The following MATN4 variants were observed in gnomAD, a reference collection of about 807,000 sequenced individuals.
MATN4 encodes the protein matrilin-4.
A neutral mutation model predicts 54.6 loss-of-function variants in MATN4; 40 were observed. That is an observed-to-expected ratio of 0.73 (90% confidence interval 0.57 to 0.95). The LOEUF (loss-of-function observed/expected upper bound fraction) is 0.95. Among genes scored for constraint, MATN4 ranks in the 40% least tolerant of loss-of-function variants. The pLI, the probability that MATN4 is intolerant of heterozygous loss-of-function variation, is 0.00. For missense variants in MATN4, 810 were observed against 819.1 expected (o/e 0.99, Z 0.13); for synonymous variants, 351 against 345.3 (o/e 1.02, Z -0.18).
chr20:45,304,591 G>A lies in MATN4; in HGVS notation c.280C>T (p.Arg94Cys). Residue 94 changes from arginine (R) to cysteine (C), a missense_variant, in exon 3 of 10, where the codon CGC becomes TGC. Physicochemically the swap from Arg to Cys is radical, Grantham distance 180. Transcript: ENST00000372756. ...SVFPLRAFSR[R>C]EDMERAIRDL... Reference sequence around the variant, plus strand: ...CGGATGGCGCGCTCCATGTCCTCGCGGCGAGAGAACGCGCGGAGAGGGAAG... The same window carrying A: ...CGGATGGCGCGCTCCATGTCCTCGCAGCGAGAGAACGCGCGGAGAGGGAAG... 6.3e-7 allele frequency: 1 copy of A among 1,599,260 alleles called. No individual in the cohort carries two copies. The highest frequency in any genetic ancestry group is 8.6e-7 in the Non-Finnish European group (1 of 1,168,368).
chr20:45,299,440 T>A (rs141998112), intron 6 of MATN4, among the ~76,000 whole-genome samples: 189 of 152,310 alleles, frequency 1.2e-3, no homozygotes, highest in African/African-American at 4.5e-3. Context: ...TATCTGATCT[T>A]TGTTATGAAC....
At chr20:45,300,365 T>C (rs577072355) in intron 6 of MATN4, among the ~76,000 whole-genome samples, 1 of 152,300 alleles carries the variant, frequency 6.6e-6, no homozygotes, top group African/African-American at 2.4e-5. Flanking sequence ...CGTGATGACC[T>C]AAGGCAGTGG....
At chr20:45,305,929 G>A (rs1212808996) in intron 1 of MATN4, among the ~76,000 whole-genome samples, 8 of 148,856 alleles carry the variant, frequency 5.4e-5, no homozygotes, top group South Asian at 2.1e-4. Context: ...TCAGCCTCCC[G>A]AGTAGCTGGG....
chr20:45,296,807 A>G (rs1985866598), intron 8 of MATN4, among the ~76,000 whole-genome samples: 1 of 151,970 alleles, frequency 6.6e-6, no homozygotes. Flanking sequence ...ATGCACGTGC[A>G]TGTGCATGCA....
intron 1 of MATN4, 49 bp downstream of exon 1, chr20:45,308,126 T>G: frequency 6.3e-7 from 1 of 1,587,542 alleles, no homozygotes; most frequent in Non-Finnish European, 8.6e-7. Flanking sequence ...CCTGGCTTGA[T>G]GCCTACTCCC....
Position 45,304,522 on chromosome 20 carries a change from T to C in MATN4, c.349A>G (p.Ile117Val), listed in dbSNP as rs1303490540. 7 of 1,592,992 alleles carry C rather than the reference T, an allele frequency of 4.4e-6. No individual in the cohort carries two copies. The highest frequency in any genetic ancestry group is 8.6e-7 in the Non-Finnish European group (1 of 1,163,934). ...LAQGTMTGLA[I>V]QYAMNVAFSV... ...AAGGCCACGTTCATGGCGTACTGGA[T>C]TGCCAGTCCCGTCATGGTGCCTTGC... is the stretch of plus-strand genomic sequence containing the variant. The change falls in exon 3 of 10, where the codon ATC becomes GTC. Residue 117 changes from isoleucine (I) to valine (V), a missense_variant. Coordinates refer to ENST00000372756, the MANE Select transcript of MATN4 (RefSeq NM_001393530.1).
At position 45,293,790 on chromosome 20, in the gene MATN4, TC is replaced by T. The variant is rs774188434; in HGVS notation, c.1722del (p.Asn575ThrfsTer66). ...AQLTARLEDL[E>X]NQLANQK The stretch of plus-strand genomic sequence containing the variant: ...CCTCACTTCTGGTTGGCCAGCTGGT[TC>T]TCCAGATCCTCCAGGCGCGCCGTCA... On this transcript the variant is annotated frameshift_variant, in exon 10 of 10. Transcript: ENST00000372756. LOFTEE classifies it high-confidence loss of function. The T allele has an allele frequency of 6.2e-7, 1 of 1,610,342 alleles. No homozygotes were observed. Among genetic ancestry groups the T allele is most frequent in the South Asian group, 1.1e-5 (1 of 90,998 alleles).
At chr20:45,303,474 C>T in intron 3 of MATN4, 1 of 716,690 alleles carries the variant, frequency 1.4e-6, no homozygotes, top group Non-Finnish European at 2.6e-6. Flanking sequence ...CACATTGGTG[C>T]TGGCAACCAT....
intron 6 of MATN4, among the ~76,000 whole-genome samples, chr20:45,299,980 GGTGTGT>G (rs55652446): frequency 0.13 from 15,332 of 114,768 alleles, 1,100 homozygotes; most frequent in Non-Finnish European, 0.21. Context: ...TGTGTGTAGG[GGTGTGT>G]GTGTGTGTGT....
At position 45,293,997 on chromosome 20, in the gene MATN4, C is replaced by T. The variant is rs79708482; in HGVS notation, c.1598G>A (p.Gly533Glu). The T allele has an allele frequency of 1.8e-3, 2,887 of 1,602,514 alleles. 46 individuals are homozygous for T. The African/African-American group carries it at 0.033, about 19-fold the overall frequency. ...SICPEEGISA[G>E]TELRSPCECE... Reference sequence around the variant, plus strand: ...TTCGCATGGGCTCCGAAGCTCTGTCCCTGCGCTGATGCCCTCCTCTGCAAG... The same window carrying T: ...TTCGCATGGGCTCCGAAGCTCTGTCTCTGCGCTGATGCCCTCCTCTGCAAG... Residue 533 changes from glycine (G) to glutamate (E), a missense_variant, in exon 9 of 10, where the codon GGG becomes GAG. Gly to Glu is a moderately conservative substitution (Grantham distance 98, BLOSUM62 -2). Transcript: ENST00000372756.
In MATN4 at chr20:45,293,798, T is replaced by A; in HGVS notation, c.1715A>T (p.Asp572Val). Residue 572 changes from aspartate to valine, a missense_variant, in exon 10 of 10, where the codon GAT (aspartate) becomes GTT (valine). Physicochemically the swap from Asp to Val is radical, Grantham distance 152. Transcript: ENST00000372756. ...CTGGTTGGCCAGCTGGTTCTCCAGA[T>A]CCTCCAGGCGCGCCGTCAGCTGGGC... ...NLAQLTARLE[D>V]LENQLANQK The A allele has an allele frequency of 6.2e-7, 1 of 1,610,920 alleles. No homozygotes were observed. The highest frequency in any genetic ancestry group is 1.1e-5 in the South Asian group (1 of 91,034).
At chr20:45,304,131 G>A in intron 3 of MATN4, 97 bp downstream of exon 3, 1 of 1,127,864 alleles carries the variant, frequency 8.9e-7, no homozygotes, top group South Asian at 2.2e-5. Flanking sequence ...GGAAATCGCG[G>A]GGCCACCCCC....
chr20:45,301,343 C>T lies in MATN4; in HGVS notation c.744G>A (p.Gln248=), dbSNP rs1986219936. 1.9e-6 allele frequency: 3 copies of T among 1,614,168 alleles called. No homozygotes were observed. Among genetic ancestry groups the T allele is most frequent in the Non-Finnish European group, 2.5e-6 (3 of 1,180,034 alleles). The change falls in exon 4 of 10, where the codon CAG becomes CAA. Residue 248 remains glutamine, a synonymous_variant. Transcript: ENST00000372756. ...CACCCCTGCAGCTCCTCTGGTCCTG[C>T]TGGAGTACAAAGCCAACTTGGCAGT... ...FCHCQVGFVL[Q]QDQRSCRAID...
intron 8 of MATN4, among the ~76,000 whole-genome samples, chr20:45,294,269 CGTGT>C (rs71181819): frequency 4.4e-4 from 67 of 151,520 alleles, no homozygotes; most frequent in Admixed American, 8.5e-4. Flanking sequence ...CACCTGTGTA[CGTGT>C]GTGTGTGTGT....
chr20:45,298,626 A>C lies in MATN4; in HGVS notation c.1013-43T>G. 1 of 1,474,276 alleles carries C rather than the reference A, an allele frequency of 6.8e-7. No homozygotes were observed. The highest frequency in any genetic ancestry group is 9.1e-7 in the Non-Finnish European group (1 of 1,097,762). 91.3% of individuals were successfully genotyped at this position (1,474,276 alleles called of 1,614,324 possible). On this transcript the variant is annotated intron_variant, in intron 6 of 9. Transcript: ENST00000372756. This position sits in a 1 kb window ranked among gnomAD's most constrained non-coding sequence, Gnocchi z 4.6. ...CTTGAATTGAGGGACCAGATTCTGGACTGGCAGCAGCTGTCTATCCATCTA... is the reference window on the plus strand; with the variant it reads ...CTTGAATTGAGGGACCAGATTCTGGCCTGGCAGCAGCTGTCTATCCATCTA...
intron 3 of MATN4, among the ~76,000 whole-genome samples, chr20:45,301,777 G>A (rs952916533): frequency 3.9e-5 from 6 of 151,944 alleles, no homozygotes; most frequent in African/African-American, 1.5e-4. Context: ...ATGGCCGAGA[G>A]CTGGACTGGA....
In MATN4 at chr20:45,293,780, G is replaced by C; in HGVS notation, c.1733C>G (p.Ala578Gly). 1 of 1,608,938 alleles carries C rather than the reference G, an allele frequency of 6.2e-7. No homozygotes were observed. The highest frequency in any genetic ancestry group is 1.3e-5 in the African/African-American group (1 of 75,014). The change falls in exon 10 of 10, where the codon GCC becomes GGC. Residue 578 changes from alanine (A) to glycine (G), a missense_variant. Transcript: ENST00000372756. ...CGTCCGTGGCCCTCACTTCTGGTTG[G>C]CCAGCTGGTTCTCCAGATCCTCCAG... Reference protein sequence around the residue: ...ARLEDLENQLANQK With the variant: ...ARLEDLENQLGNQK
chr20:45,293,912 C>A lies in MATN4; in HGVS notation c.1683G>T (p.Leu561=), dbSNP rs774717055. Reference sequence around the variant, plus strand: ...GCCACCAGCCCCAAAGGATATGGTTCAGCGTCAGGCTCTCGAGCGCCCCCA... The same window carrying A: ...GCCACCAGCCCCAAAGGATATGGTTAAGCGTCAGGCTCTCGAGCGCCCCCA... ...RTLGALESLT[L]NLAQLTARLE... Residue 561 remains leucine, a synonymous_variant, in exon 9 of 10, where the codon CTG becomes CTT. Coordinates refer to ENST00000372756, the MANE Select transcript of MATN4 (RefSeq NM_001393530.1). 17 of 1,602,956 alleles carry A rather than the reference C, an allele frequency of 1.1e-5. No homozygotes were observed. Among genetic ancestry groups the A allele is most frequent in the Non-Finnish European group, 3.4e-6 (4 of 1,178,630 alleles).
At chr20:45,308,127 G>T (rs573400037) in intron 1 of MATN4, 48 bp downstream of exon 1, 2 of 1,589,184 alleles carry the variant, frequency 1.3e-6, no homozygotes, top group African/African-American at 2.7e-5. Flanking sequence ...CTGGCTTGAT[G>T]CCTACTCCCC....
Sources: gnomAD v4.1 joint callset for allele counts (sites outside exome capture counted in the v4.1 genomes callset) on GRCh38, gnomAD v4.1.1 for gene constraint, Gnocchi (gnomAD v3.1) non-coding constraint, MANE v1.5 for transcripts, NCBI Gene and HGNC (gene_info 2026-07-23, HGNC 2026-07-21) for gene names.